The following PARD3 variants were observed in gnomAD, a reference collection of about 807,000 sequenced individuals.
PARD3 encodes partitioning defective 3 homolog.
In PARD3, 75 loss-of-function variants were observed where a neutral mutation model predicts 155.4. The observed-to-expected ratio is 0.48, with a 90% CI of 0.40 to 0.58. The LOEUF is 0.58. PARD3 is among the 20% of genes least tolerant of loss of function. PARD3 has a pLI of 0.00. For missense variants in PARD3, 1,642 were observed against 1,721.7 expected (o/e 0.95, Z 0.82); for synonymous variants, 576 against 610.5 (o/e 0.94, Z 0.83).
intron 2 of PARD3, among the ~76,000 whole-genome samples, chr10:34,623,582 T>C (rs116190879): frequency 8.0e-4 from 121 of 151,372 alleles, no homozygotes; most frequent in African/African-American, 2.6e-3. Flanking sequence ...CCAAGAAGAG[T>C]TGAAAAAGCT....
rs1240502031 is a variant in PARD3 at position 34,605,913 on chromosome 10, CTCCTATATATA to C, written c.223-88765_223-88755del. On this transcript the variant is annotated intron_variant, in intron 2 of 24. Transcript: ENST00000374788. Reference sequence around the variant, plus strand: ...ATATATATATCTCCTATATATATATCTCCTATATATATATCTCCTATATATATATATCTCCT... The same window carrying C: ...ATATATATATCTCCTATATATATATCTATCTCCTATATATATATATCTCCT... Among the ~76,000 whole-genome samples the C allele has an allele frequency of 8.1e-5, 8 of 98,926 alleles. 2 individuals are homozygous for C. The highest frequency in any genetic ancestry group is 1.2e-4 in the Admixed American group (1 of 8,160). The allele number at this position is 98,926 out of a possible 152,430, so 64.9% of individuals were successfully genotyped here.
chr10:34,708,979 C>A (rs2094409687), intron 1 of PARD3, among the ~76,000 whole-genome samples: 1 of 152,054 alleles, frequency 6.6e-6, no homozygotes, highest in Non-Finnish European at 1.5e-5. Flanking sequence ...ATTTAAAGTG[C>A]CATGTCTGCA....
Position 34,185,606 on chromosome 10 carries a change from C to T in PARD3, c.3420-54023G>A, listed in dbSNP as rs531405250. 1.3e-4 allele frequency among the ~76,000 whole-genome samples: 20 copies of T among 151,988 alleles called. No homozygotes were observed. The East Asian group carries it at 3.7e-3, about 28-fold the overall frequency. The stretch of plus-strand genomic sequence containing the variant: ...TTGAATTTTATATGCAACACAGACA[C>T]GGCATTTATCTTTAAGATATTTTTT... On this transcript the variant is annotated intron_variant, in intron 22 of 24. Transcript: ENST00000374788.
intron 2 of PARD3, among the ~76,000 whole-genome samples, chr10:34,562,063 G>C (rs116612508): frequency 0.056 from 8,281 of 147,228 alleles, 270 homozygotes; most frequent in African/African-American, 0.088. Context: ...AACCTGGGAG[G>C]GGGGGTGAAC....
intron 22 of PARD3, among the ~76,000 whole-genome samples, chr10:34,216,195 G>A (rs1664701325): frequency 1.3e-5 from 2 of 152,136 alleles, no homozygotes; most frequent in Admixed American, 1.3e-4. Flanking sequence ...CTCAATATTT[G>A]TATGCAAATA....
chr10:34,537,982 G>A (rs1232676058), intron 2 of PARD3, among the ~76,000 whole-genome samples: 1 of 152,144 alleles, frequency 6.6e-6, no homozygotes, highest in East Asian at 1.9e-4. Context: ...AGTACACTTA[G>A]GCAAGTGGCA....
chr10:34,708,313 A>G (rs957836310), intron 1 of PARD3, among the ~76,000 whole-genome samples: 2 of 152,124 alleles, frequency 1.3e-5, no homozygotes, highest in African/African-American at 4.8e-5. Flanking sequence ...AGTGCAATGT[A>G]TGATCCTGGA....
chr10:34,331,415 G>A lies in PARD3; in HGVS notation c.2606-71C>T, dbSNP rs540544273. The A allele has an allele frequency of 1.2e-4, 105 of 887,024 alleles. No individual in the cohort carries two copies. The East Asian group carries it at 2.6e-3, about 22-fold the overall frequency. The allele number at this position is 887,024 out of a possible 1,614,324, so 54.9% of individuals were successfully genotyped here. ...ATTATGTACCTGAATATGCACTGTC[G>A]AAAACTTCAGGTACATAACAATTAT... is the stretch of plus-strand genomic sequence containing the variant. On this transcript the variant is annotated intron_variant, in intron 18 of 24. Coordinates refer to ENST00000374788, the MANE Select transcript of PARD3 (RefSeq NM_001184785.2).
chr10:34,578,579 GA>G (rs1376991340), intron 2 of PARD3, among the ~76,000 whole-genome samples: 1 of 152,186 alleles, frequency 6.6e-6, no homozygotes, highest in Non-Finnish European at 1.5e-5. Context: ...ATTTTAACCT[GA>G]CAACTCAGAG....
chr10:34,145,203 ATATATATATATATATATATT>A (rs1013765130), intron 22 of PARD3, among the ~76,000 whole-genome samples: 3 of 59,868 alleles, frequency 5.0e-5, no homozygotes, highest in East Asian at 3.5e-4. Context: ...ATATATATAT[ATATATATATATATATATATT>A]TTTTTTTTTT....
At chr10:34,158,481 C>T (rs140960672) in intron 22 of PARD3, among the ~76,000 whole-genome samples, 45 of 152,302 alleles carry the variant, frequency 3.0e-4, no homozygotes, top group African/African-American at 1.0e-3. Context: ...CTAAGCAAGA[C>T]GCAGGGTGGA....
rs535507650 is a variant in PARD3 at position 34,269,813 on chromosome 10, C to G, written c.3263G>C (p.Gly1088Ala). The change falls in exon 22 of 25, where the codon GGC (glycine) becomes GCC (alanine). Residue 1088 changes from glycine (G) to alanine (A), a missense_variant. Physicochemically the swap from Gly to Ala is moderately conservative, Grantham distance 60. Transcript: ENST00000374788. ...CCCATACATTAACTCATCATCACAG[C>G]CAAATGTCCGATGAAAATCTTGAAT... Reference protein sequence around the residue: ...AEIQDFHRTFGCDDELMYGGV... With the variant: ...AEIQDFHRTFACDDELMYGGV... 5 of 1,613,954 alleles carry G rather than the reference C, an allele frequency of 3.1e-6. No homozygotes were observed.
intron 22 of PARD3, among the ~76,000 whole-genome samples, chr10:34,196,914 G>A (rs1047583970): frequency 6.6e-6 from 1 of 152,062 alleles, no homozygotes; most frequent in African/African-American, 2.4e-5. Context: ...GACAGCCCAC[G>A]AGGTGCCTCC....
chr10:34,482,436 G>A (rs947042366), intron 3 of PARD3, among the ~76,000 whole-genome samples: 1 of 152,014 alleles, frequency 6.6e-6, no homozygotes, highest in Non-Finnish European at 1.5e-5. Flanking sequence ...CTCCCAAAGC[G>A]CTGGGATTAC....
At chr10:34,165,944 A>C (rs965204068) in intron 22 of PARD3, among the ~76,000 whole-genome samples, 1 of 152,226 alleles carries the variant, frequency 6.6e-6, no homozygotes, top group African/African-American at 2.4e-5. Flanking sequence ...ATACATATAC[A>C]AGAAAGAGCT....
At chr10:34,231,453 A>T (rs2133572451) in intron 22 of PARD3, among the ~76,000 whole-genome samples, 1 of 152,082 alleles carries the variant, frequency 6.6e-6, no homozygotes. Flanking sequence ...CTCGACATTC[A>T]AAGTGGCAGC....
At chr10:34,630,288 A>G (rs1488256634) in intron 2 of PARD3, among the ~76,000 whole-genome samples, 2 of 152,192 alleles carry the variant, frequency 1.3e-5, no homozygotes, top group Non-Finnish European at 2.9e-5. Context: ...AAGTTTAAAC[A>G]ATGGTCAAAA....
intron 18 of PARD3, among the ~76,000 whole-genome samples, 177 bp downstream of exon 18, chr10:34,336,022 A>G (rs1048447681): frequency 6.6e-6 from 1 of 152,168 alleles, no homozygotes; most frequent in Admixed American, 6.5e-5. Flanking sequence ...CACCACTGAT[A>G]AATTTCTACT....
At chr10:34,473,107 G>C (rs766675910) in intron 3 of PARD3, among the ~76,000 whole-genome samples, 1 of 152,116 alleles carries the variant, frequency 6.6e-6, no homozygotes, top group African/African-American at 2.4e-5. Flanking sequence ...TCATGGATAG[G>C]GTGGTGTTTG....
Sources: gnomAD v4.1 joint callset for allele counts (sites outside exome capture counted in the v4.1 genomes callset) on GRCh38, gnomAD v4.1.1 for gene constraint, MANE v1.5 for transcripts, NCBI Gene and HGNC (gene_info 2026-07-23, HGNC 2026-07-21) for gene names.